The following EIF2AK4 variants were observed in gnomAD, a reference collection of about 807,000 sequenced individuals.
The protein encoded by EIF2AK4 is eukaryotic translation initiation factor 2 alpha kinase 4.
A neutral mutation model predicts 211.1 loss-of-function variants in EIF2AK4; 139 were observed. That is an observed-to-expected ratio of 0.66 (90% CI 0.57 to 0.76). The LOEUF is 0.76. EIF2AK4 is among the 30% of genes least tolerant of loss of function. The probability of loss-of-function intolerance (pLI) is 0.00; values close to 1 mark genes in which losing one functional copy is unlikely to be tolerated. For missense variants in EIF2AK4, 1,664 were observed against 2,043.8 expected, an observed-to-expected ratio of 0.81 and a Z score of 3.58; for synonymous variants, 710 against 751.3, an observed-to-expected ratio of 0.94 and a Z score of 0.90.
chr15:39,984,477 TCC>T (rs2034836817), intron 13 of EIF2AK4, among the ~76,000 whole-genome samples: 2 of 152,220 alleles, frequency 1.3e-5, no homozygotes, highest in African/African-American at 4.8e-5. Flanking sequence ...TTTCTTCCTA[TCC>T]ATGAGCATGG....
Position 39,998,279 on chromosome 15 carries a change from T to TG in EIF2AK4, c.2869-452_2869-451insG, listed in dbSNP as rs201073062. Among the ~76,000 whole-genome samples, 196 of 150,474 alleles carry TG rather than the reference T, an allele frequency of 1.3e-3. 3 individuals carry two copies. Among genetic ancestry groups the TG allele is most frequent in the African/African-American group, 4.6e-3 (188 of 41,278 alleles). On this transcript the variant is annotated intron_variant, in intron 19 of 38. Coordinates refer to ENST00000263791, the MANE Select transcript of EIF2AK4 (RefSeq NM_001013703.4). ...GTGGTTTTTTTTTTTTGTTTTGTTTTTTTTTGCCTTTTTTCATCTGCATGT... is the reference window on the plus strand; with the variant it reads ...GTGGTTTTTTTTTTTTGTTTTGTTTTGTTTTTGCCTTTTTTCATCTGCATGT...
intron 9 of EIF2AK4, among the ~76,000 whole-genome samples, chr15:39,969,345 A>G (rs139392824): frequency 1.4e-5 from 2 of 147,546 alleles, no homozygotes. Context: ...AGATCAGCAC[A>G]ATTTCTTATT....
chr15:40,002,902 T>A, intron 22 of EIF2AK4, 114 bp downstream of exon 22: 2 of 1,208,360 alleles, frequency 1.7e-6, no homozygotes, highest in Non-Finnish European at 2.4e-6. Flanking sequence ...CAGTTATAAA[T>A]AATTGACATC....
At chr15:39,948,996 G>GAAT in intron 3 of EIF2AK4, 120 bp from the exon 4 acceptor site, 1 of 1,190,620 alleles carries the variant, frequency 8.4e-7, no homozygotes, top group African/African-American at 1.5e-5. Flanking sequence ...ATATCAAAAT[G>GAAT]AATAATGGCA....
intron 13 of EIF2AK4, among the ~76,000 whole-genome samples, chr15:39,978,784 T>G (rs527870583): frequency 1.3e-5 from 2 of 152,312 alleles, no homozygotes; most frequent in African/African-American, 2.4e-5. Flanking sequence ...GTGTTTTCAA[T>G]GGAGAAATAC....
Position 40,030,358 on chromosome 15 carries a change from GGTTT to G in EIF2AK4, c.4567_4570del (p.Phe1523LysfsTer11), listed in dbSNP as rs1252244505. On this transcript the variant is annotated frameshift_variant and splice_region_variant, in exon 35 of 39. Coordinates refer to ENST00000263791, the MANE Select transcript of EIF2AK4 (RefSeq NM_001013703.4). LOFTEE classifies it high-confidence loss of function. ...AAATTCTGAAACTCTCTTGGTCTCAGGTTTGTTTGAAATCCATGGAGCAACAGTG... is the reference window on the plus strand; with the variant it reads ...AAATTCTGAAACTCTCTTGGTCTCAGGTTTGAAATCCATGGAGCAACAGTG... The G allele has an allele frequency of 6.2e-6, 10 of 1,613,798 alleles. No homozygotes were observed. Among genetic ancestry groups the G allele is most frequent in the Non-Finnish European group, 3.4e-6 (4 of 1,179,958 alleles).
At chr15:40,025,351 TTG>T (rs2035452795) in intron 32 of EIF2AK4, among the ~76,000 whole-genome samples, 1 of 152,174 alleles carries the variant, frequency 6.6e-6, no homozygotes. Context: ...AAAGTTGTGT[TTG>T]AGAAAAATTA....
At chr15:39,989,275 A>C (rs76298642) in intron 15 of EIF2AK4, among the ~76,000 whole-genome samples, 1,541 of 152,316 alleles carry the variant, frequency 0.01, 30 homozygotes, top group African/African-American at 0.036. Flanking sequence ...CTAATGCATT[A>C]ACCAATATAA....
intron 35 of EIF2AK4, among the ~76,000 whole-genome samples, chr15:40,031,343 T>G (rs1307644342): frequency 6.6e-6 from 1 of 152,190 alleles, no homozygotes; most frequent in Non-Finnish European, 1.5e-5. Flanking sequence ...AAGAGAGCAG[T>G]CAATTTTAGA....
chr15:40,034,456 C>G lies in EIF2AK4; in HGVS notation c.4892+12C>G, dbSNP rs371027516. 3.1e-6 allele frequency: 5 copies of G among 1,596,904 alleles called. No individual in the cohort carries two copies. The South Asian group carries it at 5.5e-5, about 18-fold the overall frequency. ...AAAGTAGAAAAAAAGTAAGTTATCA[C>G]TTGGGCATAGCAGGGTTCACATGGT... On this transcript the variant is annotated intron_variant, in intron 38 of 38. Coordinates refer to ENST00000263791, the MANE Select transcript of EIF2AK4 (RefSeq NM_001013703.4).
chr15:39,961,459 G>A (rs1328380888), intron 6 of EIF2AK4, among the ~76,000 whole-genome samples: 1 of 152,174 alleles, frequency 6.6e-6, no homozygotes, highest in Non-Finnish European at 1.5e-5. Flanking sequence ...CTTAAATGTG[G>A]CTACTGCACA....
chr15:39,949,071 C>G, intron 3 of EIF2AK4, 45 bp from the exon 4 acceptor site: 1 of 1,599,064 alleles, frequency 6.3e-7, no homozygotes, highest in East Asian at 2.2e-5. Flanking sequence ...TTTGGGCCTT[C>G]CCATTATTTG....
At position 40,003,252 on chromosome 15, in the gene EIF2AK4, A is replaced by G. The variant is rs371752396; in HGVS notation, c.3295A>G (p.Asn1099Asp). The change falls in exon 23 of 39, where the codon AAC becomes GAC. Residue 1099 changes from asparagine to aspartate, a missense_variant. This residue lies in a region of EIF2AK4 where 622 missense variants were observed against 796.8 expected (regional missense o/e 0.78). Transcript: ENST00000263791. ...LPRNRQIYEH[N>D]EAALFMDHSG... The stretch of plus-strand genomic sequence containing the variant: ...CCGAAACAGACAAATATATGAGCAC[A>G]ACGAAGCTGCCCTATTCATGGACCA... 1 of 1,614,194 alleles carries G rather than the reference A, an allele frequency of 6.2e-7. No individual in the cohort carries two copies. The highest frequency in any genetic ancestry group is 8.5e-7 in the Non-Finnish European group (1 of 1,180,038).
intron 23 of EIF2AK4, among the ~76,000 whole-genome samples, chr15:40,004,487 G>A (rs539865413): frequency 3.4e-4 from 52 of 152,252 alleles, no homozygotes; most frequent in African/African-American, 1.2e-3. Context: ...GGTAGGAGGA[G>A]TGCTTGAGCC....
intron 38 of EIF2AK4, 23 bp from the exon 39 acceptor site, chr15:40,035,004 A>C (rs182154171): frequency 1.9e-6 from 3 of 1,563,004 alleles, no homozygotes; most frequent in African/African-American, 2.7e-5. Context: ...GTCTGTCCTT[A>C]TATCTTTTCT....
At position 40,030,557 on chromosome 15, in the gene EIF2AK4, A is replaced by G. The variant is rs1457460152; in HGVS notation, c.4659+101A>G. The G allele has an allele frequency of 3.0e-6, 4 of 1,322,494 alleles. No homozygotes were observed. In the East Asian group the frequency reaches 7.6e-5, roughly 25 times the overall value. 81.9% of individuals were successfully genotyped at this position (1,322,494 alleles called of 1,614,324 possible). A position where few individuals can be genotyped will look rare whatever the true frequency, so the allele number is the denominator to read the frequency against. On this transcript the variant is annotated intron_variant, in intron 35 of 38. Transcript: ENST00000263791. ...AAGATAAACATGGAATTTCTTGGAA[A>G]TATTTTTTCCAAGAAAAAAATTTTT...
chr15:40,007,087 C>A, intron 24 of EIF2AK4, 22 bp downstream of exon 24: 1 of 1,552,882 alleles, frequency 6.4e-7, no homozygotes. Flanking sequence ...TAGGAGATTC[C>A]ATTTGGTAGA....
chr15:39,940,063 C>T (rs901496807), intron 2 of EIF2AK4, among the ~76,000 whole-genome samples: 1 of 152,176 alleles, frequency 6.6e-6, no homozygotes, highest in Non-Finnish European at 1.5e-5. Flanking sequence ...TCTGTCCTGC[C>T]TCTCAATGGG....
chr15:39,960,161 C>T (rs1457501514), intron 6 of EIF2AK4, among the ~76,000 whole-genome samples: 1 of 122,458 alleles, frequency 8.2e-6, no homozygotes, highest in Non-Finnish European at 1.6e-5. Flanking sequence ...GAGACTCCAT[C>T]TCAAAAAAAA....
Sources: gnomAD v4.1 joint callset for allele counts (sites outside exome capture counted in the v4.1 genomes callset) on GRCh38, gnomAD v4.1.1 for gene constraint, gnomAD v4.1.1 regional missense constraint, MANE v1.5 for transcripts, NCBI Gene and HGNC (gene_info 2026-07-23, HGNC 2026-07-21) for gene names.